Variants in HAGH observed in about 807,000 individuals in gnomAD.
The protein encoded by HAGH is hydroxyacylglutathione hydrolase, also known as hydroxyacylglutathione hydrolase, mitochondrial.
HAGH carries 29 observed loss-of-function variants against 35.1 expected under a neutral mutation model. That is an observed-to-expected ratio of 0.83 (90% CI 0.62 to 1.13). The LOEUF (loss-of-function observed/expected upper bound fraction) is 1.13, where lower values mean the gene tolerates loss of function less well. Among genes scored for constraint, HAGH ranks in the 50% most tolerant of loss-of-function variants. The pLI is 0.00. For synonymous variants in HAGH, 225 were observed against 176.1 expected, an observed-to-expected ratio of 1.28 and a Z score of -2.20; for missense variants, 478 against 419.6, an observed-to-expected ratio of 1.14 and a Z score of -1.22.
At chr16:1,826,028 A>C (rs1898393889) in intron 1 of HAGH, among the ~76,000 whole-genome samples, 1 of 152,190 alleles carries the variant, frequency 6.6e-6, no homozygotes, top group Non-Finnish European at 1.5e-5. Flanking sequence ...AATGTCCCTA[A>C]AACTGTAATT....
At chr16:1,809,929 T>A (rs1207193339) in intron 7 of HAGH, 96 bp from the exon 8 acceptor site, 1 of 859,788 alleles carries the variant, frequency 1.2e-6, no homozygotes, top group Non-Finnish European at 2.0e-6. Context: ...TTTGGGAGGC[T>A]AAGGCAGATG....
chr16:1,814,908 CAAAT>C (rs1345850130), intron 7 of HAGH, among the ~76,000 whole-genome samples: 2 of 140,926 alleles, frequency 1.4e-5, no homozygotes, highest in Admixed American at 8.0e-5. Context: ...AAAAAACAAA[CAAAT>C]AAATATATAT....
rs758398127 is a variant in HAGH at position 1,822,305 on chromosome 16, G to A, written c.309C>T (p.His103=). Residue 103 remains histidine, a synonymous_variant, in exon 3 of 9, where the codon CAC becomes CAT. Transcript: ENST00000397356. ...AGGTGAGACGCGGCACTTACCAGTG[G>A]TGGTGGGTGGTGAGCACTGTGGTCA... ...VKLTTVLTTH[H]HWDHAGGNEK... is the part of the protein sequence containing the mutation. The A allele has an allele frequency of 3.1e-6, 5 of 1,607,038 alleles. No individual in the cohort carries two copies. The highest frequency in any genetic ancestry group is 4.3e-6 in the Non-Finnish European group (5 of 1,174,258).
In HAGH at chr16:1,809,088, G is replaced by A. The variant is rs1897511620; in HGVS notation, c.*195C>T. On this transcript the variant is annotated 3_prime_UTR_variant, in exon 9 of 9. Transcript: ENST00000397356. ...GAGGCCTAAAGGCCAGAAGAAAACA[G>A]TCTGCAAGGGGAAGTTATGGGAATA... The A allele has an allele frequency of 5.5e-6, 3 of 548,720 alleles. No individual in the cohort carries two copies. The highest frequency in any genetic ancestry group is 9.8e-6 in the Non-Finnish European group (3 of 307,332). The allele number at this position is 548,720 out of a possible 1,614,324, so 34.0% of individuals were successfully genotyped here.
At position 1,808,525 on chromosome 16, in the gene HAGH, C is replaced by T. The variant is rs1897493051; in HGVS notation, c.*758G>A. ...CCATGTTAGCCAGGATGGACTCGATCTCCTGACCTCGTGATCCACCCGCCT... is the reference window on the plus strand; with the variant it reads ...CCATGTTAGCCAGGATGGACTCGATTTCCTGACCTCGTGATCCACCCGCCT... On this transcript the variant is annotated 3_prime_UTR_variant, in exon 9 of 9. Transcript: ENST00000397356. The T allele has an allele frequency of 1.3e-5, 2 of 152,338 alleles. No individual in the cohort carries two copies. The highest frequency in any genetic ancestry group is 2.1e-4 in the South Asian group (1 of 4,830). The allele number at this position is 152,338 out of a possible 1,614,324, so 9.4% of individuals were successfully genotyped here.
chr16:1,820,980 C>T (rs9652775), intron 3 of HAGH, among the ~76,000 whole-genome samples: 5,455 of 152,226 alleles, frequency 0.036, 338 homozygotes, highest in African/African-American at 0.12. Context: ...TAGAAAGAGA[C>T]GTCTGCGGCG....
chr16:1,825,176 G>A (rs551369742), intron 1 of HAGH, among the ~76,000 whole-genome samples: 3 of 152,296 alleles, frequency 2.0e-5, no homozygotes, highest in African/African-American at 7.2e-5. Flanking sequence ...AAATTAGCTG[G>A]GCGTGGTGGC....
chr16:1,807,669 A>G lies in HAGH; in HGVS notation c.*1614T>C, dbSNP rs1275189068. 6.6e-6 allele frequency: 1 copy of G among 152,260 alleles called. No homozygotes were observed. The highest frequency in any genetic ancestry group is 1.9e-4 in the East Asian group (1 of 5,208). 9.4% of individuals were successfully genotyped at this position (152,260 alleles called of 1,614,324 possible). ...AAACATTTAAGATTCTGGCCTAAGA[A>G]TATTTGCTGAACAATAGAACAAACT... is the stretch of plus-strand genomic sequence containing the variant. On this transcript the variant is annotated 3_prime_UTR_variant, in exon 9 of 9. Coordinates refer to ENST00000397356, the MANE Select transcript of HAGH (RefSeq NM_005326.6).
chr16:1,825,941 G>T (rs969990779), intron 1 of HAGH, among the ~76,000 whole-genome samples: 2 of 152,168 alleles, frequency 1.3e-5, no homozygotes, highest in African/African-American at 2.4e-5. Flanking sequence ...CGGGGGCTGG[G>T]GCCTCCCTTA....
intron 1 of HAGH, among the ~76,000 whole-genome samples, chr16:1,825,114 C>G (rs905581081): frequency 2.7e-5 from 4 of 150,294 alleles, no homozygotes; most frequent in African/African-American, 9.8e-5. Context: ...GTCAGGAGTT[C>G]GAGACCAGCC....
At chr16:1,815,293 C>G (rs768175952) in intron 7 of HAGH, among the ~76,000 whole-genome samples, 1 of 152,190 alleles carries the variant, frequency 6.6e-6, no homozygotes, top group Non-Finnish European at 1.5e-5. Context: ...CGGTTCACAC[C>G]TTTAACCACA....
intron 2 of HAGH, 142 bp from the exon 3 acceptor site, chr16:1,822,506 C>T: frequency 1.4e-6 from 1 of 723,920 alleles, no homozygotes; most frequent in Non-Finnish European, 2.5e-6. Flanking sequence ...GCCAGCTTGC[C>T]CTGCTCCAGG....
intron 7 of HAGH, among the ~76,000 whole-genome samples, chr16:1,815,068 A>T (rs1376133471): frequency 6.6e-6 from 1 of 152,156 alleles, no homozygotes; most frequent in African/African-American, 2.4e-5. Flanking sequence ...ATTGAACATA[A>T]ACTTCATGAG....
chr16:1,816,700 C>T (rs959235835), intron 7 of HAGH, among the ~76,000 whole-genome samples, 193 bp downstream of exon 7: 1 of 152,240 alleles, frequency 6.6e-6, no homozygotes, highest in Non-Finnish European at 1.5e-5. Context: ...CTACTCCAGA[C>T]CCTCCGAGGC....
chr16:1,814,422 T>C (rs915384747), intron 7 of HAGH, among the ~76,000 whole-genome samples: 11 of 148,452 alleles, frequency 7.4e-5, no homozygotes, highest in African/African-American at 2.8e-4. Context: ...TGCGGTGAGC[T>C]GAGATCGCGC....
Position 1,808,420 on chromosome 16 carries a change from C to T in HAGH, c.*863G>A, listed in dbSNP as rs1428050052. 5 of 152,140 alleles carry T rather than the reference C, an allele frequency of 3.3e-5. No homozygotes were observed. Among genetic ancestry groups the T allele is most frequent in the Non-Finnish European group, 2.9e-5 (2 of 68,020 alleles). The allele number at this position is 152,140 out of a possible 1,614,324, so 9.4% of individuals were successfully genotyped here. A position where few individuals can be genotyped will look rare whatever the true frequency, so the allele number is the denominator to read the frequency against. ...GGTTCACACCATTCTCCTGCCTTAG[C>T]CTCCCGAGTAGCCGGGACTACAGGT... On this transcript the variant is annotated 3_prime_UTR_variant, in exon 9 of 9. Coordinates refer to ENST00000397356, the MANE Select transcript of HAGH (RefSeq NM_005326.6).
chr16:1,822,147 C>T (rs1401015436), intron 3 of HAGH, 153 bp downstream of exon 3: 6 of 626,208 alleles, frequency 9.6e-6, no homozygotes, highest in South Asian at 1.8e-5. Flanking sequence ...TTGGGGGCTA[C>T]GGTGAGTCCC....
In HAGH at chr16:1,808,917, G is replaced by A. The variant is rs1030454701; in HGVS notation, c.*366C>T. The A allele has an allele frequency of 3.6e-5, 8 of 219,544 alleles. No individual in the cohort carries two copies. Among genetic ancestry groups the A allele is most frequent in the Non-Finnish European group, 6.3e-5 (7 of 110,602 alleles). 13.6% of individuals were successfully genotyped at this position (219,544 alleles called of 1,614,324 possible). A position where few individuals can be genotyped will look rare whatever the true frequency, so the allele number is the denominator to read the frequency against. ...TCAGACCACAAGCACAGGCTGCAAA[G>A]GTACCGACCGCAGCAGTGGGCCTGA... is the stretch of plus-strand genomic sequence containing the variant. On this transcript the variant is annotated 3_prime_UTR_variant, in exon 9 of 9. Transcript: ENST00000397356.
intron 1 of HAGH, among the ~76,000 whole-genome samples, chr16:1,826,091 C>A (rs1353104884): frequency 2.6e-5 from 4 of 152,244 alleles, no homozygotes; most frequent in African/African-American, 7.2e-5. Flanking sequence ...CATTCTACCC[C>A]CTGCAGAGCC....
Sources: gnomAD v4.1 joint callset for allele counts (sites outside exome capture counted in the v4.1 genomes callset) on GRCh38, gnomAD v4.1.1 for gene constraint, MANE v1.5 for transcripts, NCBI Gene and HGNC (gene_info 2026-07-23, HGNC 2026-07-21) for gene names.